The following TTC22 variants were observed in gnomAD, a reference collection of about 807,000 sequenced individuals.
The protein encoded by TTC22 is tetratricopeptide repeat protein 22.
Under a neutral mutation model 48.2 loss-of-function variants are expected in TTC22, and 42 were observed. That is an observed-to-expected ratio of 0.87 (90% confidence interval 0.68 to 1.13). The LOEUF (loss-of-function observed/expected upper bound fraction) is 1.13, where lower values mean the gene tolerates loss of function less well. Ranked by LOEUF, TTC22 falls within the 50% of genes most tolerant of loss-of-function variation. The pLI, the probability that TTC22 is intolerant of heterozygous loss-of-function variation, is 0.00. For synonymous variants in TTC22, 345 were observed against 365.5 expected (o/e 0.94, Z 0.64); for missense variants, 784 against 807.0 (o/e 0.97, Z 0.34).
chr1:54,786,122 T>C lies in TTC22; in HGVS notation c.881A>G (p.Gln294Arg), dbSNP rs1646299259. 2 of 1,613,998 alleles carry C rather than the reference T, an allele frequency of 1.2e-6. No homozygotes were observed. The highest frequency in any genetic ancestry group is 3.3e-5 in the Admixed American group (2 of 59,996). Residue 294 changes from glutamine to arginine, a missense_variant, in exon 5 of 7, where the codon CAA (glutamine) becomes CGA (arginine). Physicochemically the swap from Gln to Arg is conservative, Grantham distance 43 (BLOSUM62 1). Coordinates refer to ENST00000371276, the MANE Select transcript of TTC22 (RefSeq NM_001114108.2). The stretch of plus-strand genomic sequence containing the variant: ...TGCCAGGCGATTCAGGATGGGAGGT[T>C]GGTTCTTGGCAATCTCAATGGCCTA... Reference protein sequence around the residue: ...FGKAIEIAKNQPPILNRLAKI... With the variant: ...FGKAIEIAKNRPPILNRLAKI...
intron 2 of TTC22, 36 bp from the exon 3 acceptor site, chr1:54,787,862 C>G: frequency 6.4e-7 from 1 of 1,561,034 alleles, no homozygotes; most frequent in Non-Finnish European, 8.8e-7. Flanking sequence ...GGGTGGCACC[C>G]CTCCCGGCTG....
In TTC22 at chr1:54,801,249, G is replaced by C. The variant is rs190062542; in HGVS notation, c.-86C>G. ...TGGGGGCGTTCCCCGAGCGAGCTCC[G>C]TGCGGGAGGCGAGGGGCAGCCGGCA... On this transcript the variant is annotated 5_prime_UTR_variant, in exon 1 of 7. Coordinates refer to ENST00000371276, the MANE Select transcript of TTC22 (RefSeq NM_001114108.2). 1 of 1,395,104 alleles carries C rather than the reference G, an allele frequency of 7.2e-7. No individual in the cohort carries two copies. Among genetic ancestry groups the C allele is most frequent in the Non-Finnish European group, 9.7e-7 (1 of 1,029,868 alleles). The allele number at this position is 1,395,104 out of a possible 1,614,324, so 86.4% of individuals were successfully genotyped here. A position where few individuals can be genotyped will look rare whatever the true frequency, so the allele number is the denominator to read the frequency against.
chr1:54,791,827 A>C lies in TTC22; in HGVS notation c.568-3730T>G, dbSNP rs572696862. 9.9e-5 allele frequency among the ~76,000 whole-genome samples: 15 copies of C among 152,266 alleles called. No homozygotes were observed. In the South Asian group the frequency reaches 3.1e-3, roughly 32 times the overall value. On this transcript the variant is annotated intron_variant, in intron 1 of 6. Transcript: ENST00000371276. ...AAATTATGTGTCCAAACCACAGTAC[A>C]TGATAGAGCTGGGGCTTAGATTCAT...
At chr1:54,792,593 G>A (rs949588076) in intron 1 of TTC22, among the ~76,000 whole-genome samples, 3 of 152,072 alleles carry the variant, frequency 2.0e-5, no homozygotes, top group Non-Finnish European at 4.4e-5. Flanking sequence ...GCCACCACAC[G>A]CAGCTAATTT....
chr1:54,781,068 G>T lies in TTC22; in HGVS notation c.*175C>A. The T allele has an allele frequency of 2.3e-6, 1 of 439,674 alleles. No homozygotes were observed. The allele number at this position is 439,674 out of a possible 1,614,324, so 27.2% of individuals were successfully genotyped here. ...GGAATCAGGCCTTCCAGTCTGGGTGGGCGTTTCAAACCGCGCGGGTGTCGC... is the reference window on the plus strand; with the variant it reads ...GGAATCAGGCCTTCCAGTCTGGGTGTGCGTTTCAAACCGCGCGGGTGTCGC... On this transcript the variant is annotated 3_prime_UTR_variant, in exon 7 of 7. Transcript: ENST00000371276.
chr1:54,792,075 GC>G (rs1323369089), intron 1 of TTC22, among the ~76,000 whole-genome samples: 1 of 152,234 alleles, frequency 6.6e-6, no homozygotes, highest in African/African-American at 2.4e-5. Flanking sequence ...TTTTCACTAA[GC>G]AAGCAATACC....
intron 3 of TTC22, chr1:54,787,306 T>C: frequency 1.8e-6 from 1 of 550,914 alleles, no homozygotes. Context: ...TCGGGGGACC[T>C]AATTTCAGGT....
intron 1 of TTC22, among the ~76,000 whole-genome samples, chr1:54,789,333 A>C (rs1400763559): frequency 2.0e-5 from 3 of 152,180 alleles, no homozygotes; most frequent in African/African-American, 7.2e-5. Context: ...TTGGCACTTC[A>C]AAGGGTGGGC....
chr1:54,787,914 G>T, intron 2 of TTC22, 88 bp from the exon 3 acceptor site: 1 of 1,467,008 alleles, frequency 6.8e-7, no homozygotes. Flanking sequence ...TGGTGGTGGG[G>T]GGTGGCGGTT....
At position 54,800,958 on chromosome 1, in the gene TTC22, C is replaced by T; in HGVS notation, c.206G>A (p.Arg69His). The T allele has an allele frequency of 1.9e-6, 3 of 1,605,378 alleles. No individual in the cohort carries two copies. The highest frequency in any genetic ancestry group is 2.5e-6 in the Non-Finnish European group (3 of 1,177,776). ...LAAAPQRPAV[R>H]HLLGAFAFYL... ...GAATGCGAAAGCGCCCAGGAGGTGA[C>T]GCACAGCGGGGCGCTGCGGGGCGGC... The change falls in exon 1 of 7, where the codon CGT becomes CAT. Residue 69 changes from arginine to histidine, a missense_variant. By Grantham distance (29) the Arg-to-His change is conservative (BLOSUM62 0). Transcript: ENST00000371276.
At chr1:54,787,909 G>C (rs963330340) in intron 2 of TTC22, 83 bp from the exon 3 acceptor site, 2 of 1,464,852 alleles carry the variant, frequency 1.4e-6, no homozygotes, top group African/African-American at 2.8e-5. Context: ...GCCTGTGGTG[G>C]TGGGGGGTGG....
chr1:54,781,845 C>A (rs3815225), intron 6 of TTC22, 66 bp from the exon 7 acceptor site: 159,092 of 1,344,412 alleles, frequency 0.12, 14,392 homozygotes, highest in East Asian at 0.48. Flanking sequence ...TCCCGCCCCA[C>A]GCTTGCTTTA....
chr1:54,797,112 A>T (rs1426458191), intron 1 of TTC22, among the ~76,000 whole-genome samples: 1 of 152,188 alleles, frequency 6.6e-6, no homozygotes, highest in Non-Finnish European at 1.5e-5. Context: ...CAGAGGAGGA[A>T]ACTGAGGCTC....
chr1:54,800,496 T>G, intron 1 of TTC22, 101 bp downstream of exon 1: 30 of 1,088,740 alleles, frequency 2.8e-5, no homozygotes, highest in Non-Finnish European at 3.5e-5. Flanking sequence ...AGACCATGGT[T>G]GAGAGAGAGT....
In TTC22 at chr1:54,782,228, CT is replaced by C. The variant is rs537297505; in HGVS notation, c.1173+96del. 1.4e-3 allele frequency: 1,781 copies of C among 1,309,268 alleles called. 1 individual carries two copies. Among genetic ancestry groups the C allele is most frequent in the Non-Finnish European group, 1.7e-3 (1,684 of 982,576 alleles). The allele number at this position is 1,309,268 out of a possible 1,614,324, so 81.1% of individuals were successfully genotyped here. The stretch of plus-strand genomic sequence containing the variant: ...TGGGTACTGTTATCAGGGAGTGAAA[CT>C]TTTTCCTCTGCATCTTGGCCTAGCC... On this transcript the variant is annotated intron_variant, in intron 6 of 6. Coordinates refer to ENST00000371276, the MANE Select transcript of TTC22 (RefSeq NM_001114108.2).
chr1:54,786,354 C>T (rs895274348), intron 4 of TTC22: 9 of 507,984 alleles, frequency 1.8e-5, no homozygotes, highest in Admixed American at 3.5e-5. Flanking sequence ...CACTCAACTC[C>T]TGAGAGCCTG....
intron 4 of TTC22, chr1:54,786,543 T>C (rs584172): frequency 1 from 226,947 of 227,364 alleles, 113,266 homozygotes; most frequent in Middle Eastern, 1. Context: ...ACACTTACCC[T>C]CACTATTGTC....
intron 5 of TTC22, chr1:54,784,685 GTAAT>G: frequency 8.6e-7 from 1 of 1,159,630 alleles, no homozygotes; most frequent in Non-Finnish European, 1.1e-6. Flanking sequence ...TGCTGGCAAA[GTAAT>G]TAAGCCACTG....
intron 5 of TTC22, chr1:54,784,481 G>A (rs1646284971): frequency 1.1e-6 from 1 of 935,968 alleles, no homozygotes; most frequent in South Asian, 4.7e-5. Flanking sequence ...GGCCTCATTT[G>A]TAGGATGGAC....
Sources: allele counts gnomAD v4.1 joint callset (sites outside exome capture counted in the v4.1 genomes callset), GRCh38; gene constraint gnomAD v4.1.1; transcripts MANE v1.5; gene names NCBI Gene and HGNC (gene_info 2026-07-23, HGNC 2026-07-21).